Variants in IKZF3 observed in about 807,000 individuals in gnomAD.
IKZF3 encodes the protein IKAROS family zinc finger 3.
Under a neutral mutation model 49.0 loss-of-function variants are expected in IKZF3, and 10 were observed. The observed-to-expected ratio is 0.20, with a 90% CI of 0.13 to 0.35. The LOEUF is 0.35. IKZF3 is among the 10% of genes least tolerant of loss of function. IKZF3 has a pLI of 1.00. For missense variants in IKZF3, 498 were observed against 664.8 expected (o/e 0.75, Z 2.76); for synonymous variants, 209 against 228.2 (o/e 0.92, Z 0.76).
intron 1 of IKZF3, among the ~76,000 whole-genome samples, chr17:39,850,243 AT>A (rs2062769756): frequency 1.4e-5 from 2 of 141,950 alleles, no homozygotes; most frequent in East Asian, 2.0e-4. Flanking sequence ...AATATATAGT[AT>A]ATACAATATA....
rs1409389130 is a variant in IKZF3, at chr17:39,765,655, C to T, written c.*135G>A. 6 of 614,924 alleles carry T rather than the reference C, an allele frequency of 9.8e-6. No individual in the cohort carries two copies. The African/African-American group carries it at 1.1e-4, about 11-fold the overall frequency. The allele number at this position is 614,924 out of a possible 1,614,324, so 38.1% of individuals were successfully genotyped here. A position where few individuals can be genotyped will look rare whatever the true frequency, so the allele number is the denominator to read the frequency against. The stretch of plus-strand genomic sequence containing the variant: ...AGGAAGACAGTGTTTCCCTGGCTAC[C>T]CCTGTGAACACAGCTAAAAATGGTA... On this transcript the variant is annotated 3_prime_UTR_variant, in exon 8 of 8. Coordinates refer to ENST00000346872, the MANE Select transcript of IKZF3 (RefSeq NM_012481.5).
intron 3 of IKZF3, among the ~76,000 whole-genome samples, chr17:39,799,206 T>C (rs2061254873): frequency 6.6e-6 from 1 of 152,170 alleles, no homozygotes; most frequent in Admixed American, 6.5e-5. Flanking sequence ...TGAGAGCCAC[T>C]GCCTCGAGTT....
rs369427757 is a variant in IKZF3 at position 39,788,706 on chromosome 17, A to C, written c.593-332T>G. Among the ~76,000 whole-genome samples, 5 of 152,228 alleles carry C rather than the reference A, an allele frequency of 3.3e-5. No homozygotes were observed. The East Asian group carries it at 5.8e-4, about 18-fold the overall frequency. On this transcript the variant is annotated intron_variant, in intron 5 of 7. Coordinates refer to ENST00000346872, the MANE Select transcript of IKZF3 (RefSeq NM_012481.5). ...AGAAAATAGGGCCCTTTTATTCTTC[A>C]AGGAGGTTAATGTGGTATAAGCAAT...
intron 1 of IKZF3, among the ~76,000 whole-genome samples, chr17:39,839,996 C>A (rs1047479814): frequency 6.6e-6 from 1 of 151,996 alleles, no homozygotes; most frequent in African/African-American, 2.4e-5. Context: ...AACTAACTTG[C>A]CTTGGCTTAA....
In IKZF3 at chr17:39,791,445, G is replaced by A. The variant is rs2061019410; in HGVS notation, c.563C>T (p.Ala188Val). The A allele has an allele frequency of 1.2e-6, 2 of 1,613,816 alleles. No homozygotes were observed. Among genetic ancestry groups the A allele is most frequent in the South Asian group, 1.1e-5 (1 of 91,056 alleles). ...ATGTGTCCTAAGATGCCCCGTGAGC[G>A]CATCTCTTCTTTGGCATGCATAGTT... ...LCNYACQRRD[A>V]LTGHLRTHSV... The change falls in exon 5 of 8, where the codon GCG (alanine) becomes GTG (valine). Residue 188 changes from alanine (A) to valine (V), a missense_variant. This residue lies in a region of IKZF3 where 84 missense variants were observed against 168.6 expected (regional missense o/e 0.50). Transcript: ENST00000346872.
At chr17:39,858,655 C>A (rs753932904) in intron 1 of IKZF3, among the ~76,000 whole-genome samples, 3 of 151,752 alleles carry the variant, frequency 2.0e-5, no homozygotes, top group Non-Finnish European at 4.4e-5. Context: ...GGACTACAGG[C>A]GCCTGTAACC....
At chr17:39,775,537 T>C (rs2060557811) in intron 7 of IKZF3, among the ~76,000 whole-genome samples, 2 of 152,220 alleles carry the variant, frequency 1.3e-5, no homozygotes, top group South Asian at 4.1e-4. Flanking sequence ...AGGGCTTTAG[T>C]TCAACTATAG....
chr17:39,801,338 C>A (rs1299696811), intron 3 of IKZF3, among the ~76,000 whole-genome samples: 4 of 148,504 alleles, frequency 2.7e-5, no homozygotes, highest in African/African-American at 1.0e-4. Flanking sequence ...AGATGTTCAG[C>A]CAGGCTAAAA....
chr17:39,858,042 T>C (rs898244044), intron 1 of IKZF3, among the ~76,000 whole-genome samples: 1 of 151,832 alleles, frequency 6.6e-6, no homozygotes, highest in Non-Finnish European at 1.5e-5. Flanking sequence ...GGTGTATTAA[T>C]CAACAAAATA....
At chr17:39,846,578 TGGC>T (rs2062640169) in intron 1 of IKZF3, among the ~76,000 whole-genome samples, 1 of 149,502 alleles carries the variant, frequency 6.7e-6, no homozygotes. Flanking sequence ...AACTTGGAAA[TGGC>T]AGGAGTCTAG....
intron 3 of IKZF3, among the ~76,000 whole-genome samples, chr17:39,820,218 G>C (rs1305322353): frequency 1.3e-5 from 2 of 152,142 alleles, no homozygotes; most frequent in Non-Finnish European, 2.9e-5. Flanking sequence ...AATTAAAACA[G>C]GGCTGTGTTA....
chr17:39,844,979 C>T (rs1488025043), intron 1 of IKZF3, among the ~76,000 whole-genome samples: 1 of 152,148 alleles, frequency 6.6e-6, no homozygotes, highest in Non-Finnish European at 1.5e-5. Flanking sequence ...GCTGTATCTT[C>T]AGCCCCTACA....
intron 3 of IKZF3, among the ~76,000 whole-genome samples, chr17:39,824,957 A>G (rs375438630): frequency 7.9e-5 from 12 of 152,208 alleles, no homozygotes; most frequent in Admixed American, 3.3e-4. Context: ...GGCCTCCCAA[A>G]GAGCTGGGAT....
intron 6 of IKZF3, among the ~76,000 whole-genome samples, chr17:39,785,210 A>C (rs1038033802): frequency 5.9e-5 from 9 of 152,242 alleles, no homozygotes; most frequent in African/African-American, 2.2e-4. Context: ...AATATTCTGT[A>C]AATTTTGGCC....
chr17:39,808,741 A>T (rs2061488331), intron 3 of IKZF3, among the ~76,000 whole-genome samples: 1 of 152,246 alleles, frequency 6.6e-6, no homozygotes, highest in South Asian at 2.1e-4. Context: ...TCTGAGAGAG[A>T]GAGAGAACTA....
intron 6 of IKZF3, among the ~76,000 whole-genome samples, chr17:39,782,501 G>C (rs935082392): frequency 6.6e-6 from 1 of 152,082 alleles, no homozygotes; most frequent in African/African-American, 2.4e-5. Context: ...GGTTTAGGCA[G>C]TGCACTGAAA....
At chr17:39,850,080 C>CTATATAGCATATTATATATGT (rs1568062134) in intron 1 of IKZF3, among the ~76,000 whole-genome samples, 1 of 58,036 alleles carries the variant, frequency 1.7e-5, no homozygotes, top group African/African-American at 4.7e-5. Flanking sequence ...ATACTATATG[C>CTATATAGCATATTATATATGT]ATATATACTA....
intron 1 of IKZF3, among the ~76,000 whole-genome samples, chr17:39,837,341 T>C (rs1327065518): frequency 6.6e-6 from 1 of 152,224 alleles, no homozygotes; most frequent in Non-Finnish European, 1.5e-5. Flanking sequence ...TGAGGGACTT[T>C]TCTTGTTTTC....
intron 6 of IKZF3, 37 bp from the exon 7 acceptor site, chr17:39,777,804 A>G: frequency 1.1e-5 from 18 of 1,596,540 alleles, no homozygotes; most frequent in Non-Finnish European, 1.5e-5. Flanking sequence ...AGAGAAAAGA[A>G]CACATTGGTA....
Sources: allele counts gnomAD v4.1 joint callset (sites outside exome capture counted in the v4.1 genomes callset), GRCh38; gene constraint gnomAD v4.1.1; regional missense constraint gnomAD v4.1.1; transcripts MANE v1.5; gene names NCBI Gene and HGNC (gene_info 2026-07-23, HGNC 2026-07-21).